NARS2: variants seen among roughly 807,000 people sequenced by gnomAD.
NARS2 encodes the protein asparaginyl-tRNA synthetase.
In NARS2, 60 loss-of-function variants were observed where a neutral mutation model predicts 62.9. That is an observed-to-expected ratio of 0.95 (90% CI 0.77 to 1.18). NARS2 has a LOEUF of 1.18. Ranked by LOEUF, NARS2 falls within the 50% of genes most tolerant of loss-of-function variation. The pLI is 0.00. For missense variants in NARS2, 619 were observed against 576.4 expected (o/e 1.07, Z -0.76); for synonymous variants, 196 against 200.0 (o/e 0.98, Z 0.17).
chr11:78,547,732 T>A (rs1212521235), intron 5 of NARS2, among the ~76,000 whole-genome samples: 1 of 152,242 alleles, frequency 6.6e-6, no homozygotes, highest in African/African-American at 2.4e-5. Context: ...ATGTTATTTA[T>A]GAACGTATGA....
At chr11:78,464,424 G>A (rs1591154082) in intron 11 of NARS2, among the ~76,000 whole-genome samples, 1 of 152,172 alleles carries the variant, frequency 6.6e-6, no homozygotes, top group East Asian at 1.9e-4. Context: ...CCCACATCCT[G>A]CTGATTGGTA....
chr11:78,437,912 T>C (rs1007273000), intron 13 of NARS2, among the ~76,000 whole-genome samples: 1 of 146,502 alleles, frequency 6.8e-6, no homozygotes, highest in Non-Finnish European at 1.5e-5. Context: ...GAAGTGGAGG[T>C]TGCAGTGAGC....
Position 78,559,539 on chromosome 11 carries a change from T to C in NARS2, c.594A>G (p.Glu198=). Residue 198 remains glutamate, a splice_region_variant and synonymous_variant, in exon 5 of 14, where the codon GAA becomes GAG. Coordinates refer to ENST00000281038, the MANE Select transcript of NARS2 (RefSeq NM_024678.6). ...CCTCAAGATGGGAAGCAAAACTTACTTCAAGTTGAAAAAGTTCTCCAGCTC... is the reference window on the plus strand; with the variant it reads ...CCTCAAGATGGGAAGCAAAACTTACCTCAAGTTGAAAAAGTTCTCCAGCTC... ...SEGAGELFQL[E]PSGKLKVPEE... The C allele has an allele frequency of 1.2e-6, 2 of 1,601,804 alleles. No homozygotes were observed. Among genetic ancestry groups the C allele is most frequent in the South Asian group, 1.1e-5 (1 of 90,822 alleles).
intron 9 of NARS2, among the ~76,000 whole-genome samples, chr11:78,474,969 C>T (rs187930212): frequency 6.6e-6 from 1 of 152,018 alleles, no homozygotes; most frequent in Non-Finnish European, 1.5e-5. Context: ...TTGAGATATA[C>T]ATTACAATTA....
intron 5 of NARS2, among the ~76,000 whole-genome samples, chr11:78,554,276 A>T (rs1856247302): frequency 6.6e-6 from 1 of 151,912 alleles, no homozygotes; most frequent in Admixed American, 6.6e-5. Flanking sequence ...TGTTAAAATA[A>T]TTTTTTCTAG....
chr11:78,440,585 T>C (rs542816260), intron 13 of NARS2, among the ~76,000 whole-genome samples: 1 of 151,396 alleles, frequency 6.6e-6, no homozygotes, highest in Admixed American at 6.6e-5. Context: ...CAAGCTGGAG[T>C]GCAATGGCGT....
chr11:78,489,537 T>C (rs12278905), intron 7 of NARS2, among the ~76,000 whole-genome samples: 3,664 of 152,274 alleles, frequency 0.024, 134 homozygotes, highest in African/African-American at 0.076. Flanking sequence ...ATTTCTTCCC[T>C]ATAAAATGAA....
chr11:78,482,657 T>G (rs1235616788), intron 7 of NARS2, among the ~76,000 whole-genome samples: 1 of 152,070 alleles, frequency 6.6e-6, no homozygotes, highest in South Asian at 2.1e-4. Context: ...ATGGATAAAT[T>G]CCTGGACATA....
At chr11:78,460,578 C>T (rs371557423) in intron 11 of NARS2, among the ~76,000 whole-genome samples, 5 of 151,976 alleles carry the variant, frequency 3.3e-5, no homozygotes, top group African/African-American at 4.8e-5. Context: ...TATTTAGGAG[C>T]GCAAAACTGA....
At chr11:78,566,691 CTA>C (rs1277661496) in intron 3 of NARS2, among the ~76,000 whole-genome samples, 1 of 152,152 alleles carries the variant, frequency 6.6e-6, no homozygotes, top group Non-Finnish European at 1.5e-5. Context: ...TTAAAATTAC[CTA>C]TATGTCTTGA....
intron 6 of NARS2, among the ~76,000 whole-genome samples, chr11:78,507,386 G>A (rs1252802948): frequency 6.6e-6 from 1 of 152,054 alleles, no homozygotes; most frequent in Non-Finnish European, 1.5e-5. Flanking sequence ...GCCTGGCATA[G>A]AGACAGCCTT....
chr11:78,505,738 T>C (rs1860469621), intron 6 of NARS2, among the ~76,000 whole-genome samples: 1 of 152,154 alleles, frequency 6.6e-6, no homozygotes, highest in South Asian at 2.1e-4. Context: ...TAGCAGGGTC[T>C]TCCCTGACCT....
chr11:78,560,561 A>G (rs1856524442), intron 4 of NARS2, among the ~76,000 whole-genome samples: 1 of 152,222 alleles, frequency 6.6e-6, no homozygotes, highest in South Asian at 2.1e-4. Context: ...AATACAATAA[A>G]TTCTTAAATA....
chr11:78,476,540 A>C, intron 9 of NARS2, among the ~76,000 whole-genome samples: 1 of 152,218 alleles, frequency 6.6e-6, no homozygotes, highest in East Asian at 1.9e-4. Flanking sequence ...TGCGTGTCTC[A>C]ATTTCATTCC....
At chr11:78,493,333 AC>A in intron 6 of NARS2, 138 bp from the exon 7 acceptor site, 2 of 779,100 alleles carry the variant, frequency 2.6e-6, no homozygotes, top group East Asian at 5.4e-5. Context: ...ATTTGCTGCT[AC>A]ATATTTCTCT....
intron 5 of NARS2, among the ~76,000 whole-genome samples, chr11:78,550,328 A>C (rs1246323896): frequency 6.6e-6 from 1 of 152,180 alleles, no homozygotes; most frequent in East Asian, 1.9e-4. Flanking sequence ...TGCGCCTTAC[A>C]AGGAAAGTAA....
intron 6 of NARS2, among the ~76,000 whole-genome samples, chr11:78,494,803 T>TC (rs1202571478): frequency 6.6e-6 from 1 of 152,132 alleles, no homozygotes; most frequent in East Asian, 1.9e-4. Context: ...TTGACCCTGT[T>TC]CCCCAAAACA....
chr11:78,490,402 C>T (rs1378476941), intron 7 of NARS2, among the ~76,000 whole-genome samples: 1 of 152,052 alleles, frequency 6.6e-6, no homozygotes, highest in Admixed American at 6.5e-5. Flanking sequence ...TAAAATGACT[C>T]TGTGTTTTCT....
At chr11:78,500,431 T>C (rs558393272) in intron 6 of NARS2, among the ~76,000 whole-genome samples, 1 of 152,346 alleles carries the variant, frequency 6.6e-6, no homozygotes, top group East Asian at 1.9e-4. Context: ...ACTTTTTGTC[T>C]CCTTCCTTTC....
Sources: allele counts gnomAD v4.1 joint callset (sites outside exome capture counted in the v4.1 genomes callset), GRCh38; gene constraint gnomAD v4.1.1; transcripts MANE v1.5; gene names NCBI Gene and HGNC (gene_info 2026-07-23, HGNC 2026-07-21).